ARHGAP26: variants seen among roughly 807,000 people sequenced by gnomAD.
The protein encoded by ARHGAP26 is rho GTPase-activating protein 26.
ARHGAP26 carries 38 observed loss-of-function variants against 104.8 expected under a neutral mutation model. That is an observed-to-expected ratio of 0.36 (90% CI 0.28 to 0.48). ARHGAP26 has a LOEUF of 0.48. Among genes scored for constraint, ARHGAP26 ranks in the 20% least tolerant of loss-of-function variants. ARHGAP26 has a pLI of 0.99. For missense variants in ARHGAP26, 704 were observed against 947.9 expected (o/e 0.74, Z 3.38); for synonymous variants, 341 against 340.0 (o/e 1.00, Z -0.03).
At chr5:143,150,403 T>C (rs1258118324) in intron 20 of ARHGAP26, among the ~76,000 whole-genome samples, 1 of 152,182 alleles carries the variant, frequency 6.6e-6, no homozygotes, top group Non-Finnish European at 1.5e-5. Context: ...TGTTCAGAGT[T>C]CAACCACTGT....
intron 11 of ARHGAP26, among the ~76,000 whole-genome samples, chr5:142,951,036 C>G (rs1013692063): frequency 6.6e-6 from 1 of 150,802 alleles, no homozygotes; most frequent in East Asian, 2.0e-4. Context: ...TTTCCCTTTC[C>G]CTTTCCCTTC....
intron 6 of ARHGAP26, among the ~76,000 whole-genome samples, chr5:142,901,363 A>C (rs1006724988): frequency 6.6e-6 from 1 of 152,242 alleles, no homozygotes; most frequent in Admixed American, 6.5e-5. Context: ...AAAGGAATCC[A>C]TAGTGTTTAC....
Position 143,128,193 on chromosome 5 carries a change from T to C in ARHGAP26, c.1699-5774T>C, listed in dbSNP as rs371890802. Among the ~76,000 whole-genome samples, 73 of 152,324 alleles carry C rather than the reference T, an allele frequency of 4.8e-4. 1 individual carries two copies. The South Asian group carries it at 0.011, about 23-fold the overall frequency. The stretch of plus-strand genomic sequence containing the variant: ...GGTAGGTTGTGCATTTGAACACATA[T>C]ATTCCCCCCAATAAATCCCAGATAA... On this transcript the variant is annotated intron_variant, in intron 18 of 22. Transcript: ENST00000645722.
intron 20 of ARHGAP26, among the ~76,000 whole-genome samples, chr5:143,206,079 G>A (rs893236013): frequency 6.6e-6 from 1 of 152,214 alleles, no homozygotes; most frequent in Non-Finnish European, 1.5e-5. Context: ...TCTCATGTTT[G>A]AATTGGTATA....
chr5:143,186,191 T>A (rs1238423560), intron 20 of ARHGAP26, among the ~76,000 whole-genome samples: 1 of 152,206 alleles, frequency 6.6e-6, no homozygotes, highest in East Asian at 1.9e-4. Context: ...TATTATAATA[T>A]CACCTTGTAG....
At chr5:143,219,434 A>G (rs1810849444) in intron 22 of ARHGAP26, among the ~76,000 whole-genome samples, 1 of 152,242 alleles carries the variant, frequency 6.6e-6, no homozygotes, top group Non-Finnish European at 1.5e-5. Flanking sequence ...ACCAAAACGC[A>G]CTGAAAAACT....
chr5:143,155,144 A>G (rs556715113), intron 20 of ARHGAP26, among the ~76,000 whole-genome samples: 1 of 152,132 alleles, frequency 6.6e-6, no homozygotes, highest in Non-Finnish European at 1.5e-5. Context: ...AATAACCTGA[A>G]CGCCTCATTG....
intron 1 of ARHGAP26, among the ~76,000 whole-genome samples, chr5:142,801,394 C>T (rs1762047980): frequency 6.6e-6 from 1 of 151,904 alleles, no homozygotes; most frequent in Admixed American, 6.6e-5. Flanking sequence ...GTCATCAGAA[C>T]TTTATAATGT....
At chr5:142,807,699 C>A (rs978496025) in intron 1 of ARHGAP26, among the ~76,000 whole-genome samples, 1 of 152,182 alleles carries the variant, frequency 6.6e-6, no homozygotes, top group Non-Finnish European at 1.5e-5. Context: ...AACCCTGGCT[C>A]CTAAGCCTGA....
intron 3 of ARHGAP26, among the ~76,000 whole-genome samples, chr5:142,878,354 A>C (rs1379792244): frequency 6.6e-6 from 1 of 152,244 alleles, no homozygotes. Context: ...ATTAGAGCCC[A>C]GAGAGGTTAA....
At chr5:142,790,457 TG>T (rs1204819709) in intron 1 of ARHGAP26, among the ~76,000 whole-genome samples, 1 of 152,244 alleles carries the variant, frequency 6.6e-6, no homozygotes, top group African/African-American at 2.4e-5. Flanking sequence ...TTAGTGATCT[TG>T]GTAAGATAGA....
rs143164983 is a variant in ARHGAP26, at chr5:142,852,900, C to T, written c.155-20500C>T. On this transcript the variant is annotated intron_variant, in intron 1 of 22. Transcript: ENST00000645722. ...GCTGTCTCTGCATGTCCTGTTGAAG[C>T]ACCATGACATTGAGCCTCTCCTTTG... Among the ~76,000 whole-genome samples the T allele has an allele frequency of 7.6e-3, 1,157 of 152,342 alleles. 8 individuals are homozygous for T. Among genetic ancestry groups the T allele is most frequent in the Middle Eastern group, 0.014 (4 of 294 alleles).
At chr5:143,012,566 TATATATATATTA>T (rs1598624146) in intron 11 of ARHGAP26, among the ~76,000 whole-genome samples, 1 of 84,336 alleles carries the variant, frequency 1.2e-5, no homozygotes, top group East Asian at 2.4e-4. Context: ...TATATATATA[TATATATATATTA>T]TGATCAGGTT....
At chr5:142,841,306 G>T (rs1279353911) in intron 1 of ARHGAP26, among the ~76,000 whole-genome samples, 1 of 152,158 alleles carries the variant, frequency 6.6e-6, no homozygotes, top group African/African-American at 2.4e-5. Context: ...CAGATGAAGT[G>T]TCAAGATCTG....
At chr5:142,949,182 A>AGAG (rs1767702252) in intron 11 of ARHGAP26, among the ~76,000 whole-genome samples, 1 of 16,260 alleles carries the variant, frequency 6.2e-5, no homozygotes, top group Non-Finnish European at 9.1e-5. Flanking sequence ...AGAGAGAGAG[A>AGAG]GAGAGAGAGA....
At chr5:143,079,737 C>T (rs752958562) in intron 17 of ARHGAP26, among the ~76,000 whole-genome samples, 1 of 152,174 alleles carries the variant, frequency 6.6e-6, no homozygotes, top group Non-Finnish European at 1.5e-5. Flanking sequence ...GGACTCGTTT[C>T]CCTATAGCCT....
At chr5:142,890,122 G>T (rs1758304158) in intron 5 of ARHGAP26, among the ~76,000 whole-genome samples, 1 of 98,966 alleles carries the variant, frequency 1.0e-5, no homozygotes, top group African/African-American at 4.1e-5. Flanking sequence ...GGTAACAAGA[G>T]CGAAACTCCG....
At chr5:142,918,470 A>G (rs1277632711) in intron 10 of ARHGAP26, among the ~76,000 whole-genome samples, 2 of 152,214 alleles carry the variant, frequency 1.3e-5, no homozygotes, top group African/African-American at 4.8e-5. Flanking sequence ...AAAACCAAAT[A>G]CATTTCTAGA....
chr5:143,082,203 T>G (rs911179901), intron 17 of ARHGAP26, among the ~76,000 whole-genome samples: 39 of 152,142 alleles, frequency 2.6e-4, no homozygotes, highest in African/African-American at 9.2e-4. Context: ...CCGTGATTGC[T>G]TCAGCCTTGA....
Sources: gnomAD v4.1 joint callset for allele counts (sites outside exome capture counted in the v4.1 genomes callset) on GRCh38, gnomAD v4.1.1 for gene constraint, MANE v1.5 for transcripts, NCBI Gene and HGNC (gene_info 2026-07-23, HGNC 2026-07-21) for gene names.